PPP3CC: variants seen among roughly 807,000 people sequenced by gnomAD.
PPP3CC encodes serine/threonine-protein phosphatase 2B catalytic subunit gamma isoform.
A neutral mutation model predicts 60.3 loss-of-function variants in PPP3CC; 35 were observed. The observed-to-expected ratio is 0.58, with a 90% CI of 0.44 to 0.77. The LOEUF (loss-of-function observed/expected upper bound fraction) is 0.77. Among genes scored for constraint, PPP3CC ranks in the 30% least tolerant of loss-of-function variants. The probability of loss-of-function intolerance (pLI) is 0.00; values close to 1 mark genes in which losing one functional copy is unlikely to be tolerated. For missense variants in PPP3CC, 570 were observed against 628.9 expected, an observed-to-expected ratio of 0.91 and a Z score of 1.00; for synonymous variants, 206 against 224.3, an observed-to-expected ratio of 0.92 and a Z score of 0.73.
At chr8:22,443,842 T>G (rs1006370924) in intron 1 of PPP3CC, among the ~76,000 whole-genome samples, 4 of 152,196 alleles carry the variant, frequency 2.6e-5, no homozygotes, top group African/African-American at 9.7e-5. Context: ...GTGTCACGTG[T>G]GCATAGCTAA....
intron 4 of PPP3CC, among the ~76,000 whole-genome samples, chr8:22,498,480 C>G (rs1183853785): frequency 6.6e-6 from 1 of 152,070 alleles, no homozygotes; most frequent in South Asian, 2.1e-4. Context: ...CATAATCATG[C>G]CACTTAGAGG....
intron 3 of PPP3CC, among the ~76,000 whole-genome samples, chr8:22,489,273 G>C (rs1251029083): frequency 6.6e-6 from 1 of 152,046 alleles, no homozygotes; most frequent in Non-Finnish European, 1.5e-5. Context: ...GAAAGTCTCA[G>C]TTGAATTGAT....
At chr8:22,471,963 CA>C (rs1837735703) in intron 1 of PPP3CC, among the ~76,000 whole-genome samples, 1 of 151,806 alleles carries the variant, frequency 6.6e-6, no homozygotes, top group Non-Finnish European at 1.5e-5. Context: ...CCCATCTCTA[CA>C]AAAAATACAA....
chr8:22,486,793 C>T (rs1349100040), intron 3 of PPP3CC, among the ~76,000 whole-genome samples: 1 of 151,004 alleles, frequency 6.6e-6, no homozygotes, highest in East Asian at 1.9e-4. Context: ...ACAGTGGCAC[C>T]ATCTCGGCTC....
intron 1 of PPP3CC, among the ~76,000 whole-genome samples, chr8:22,450,793 CTTTAT>C (rs1207770664): frequency 6.7e-6 from 1 of 148,724 alleles, no homozygotes; most frequent in Non-Finnish European, 1.5e-5. Flanking sequence ...CCCCAACCTA[CTTTAT>C]TTTTATTTAT....
chr8:22,475,792 CT>C (rs34368541), intron 3 of PPP3CC, 168 bp downstream of exon 3: 2 of 678,592 alleles, frequency 2.9e-6, no homozygotes, highest in South Asian at 2.9e-5. Context: ...ACAGTTATTC[CT>C]TTTTTAAAAC....
intron 8 of PPP3CC, 103 bp from the exon 9 acceptor site, chr8:22,527,289 A>C (rs1839583206): frequency 7.6e-7 from 1 of 1,321,962 alleles, no homozygotes; most frequent in South Asian, 1.6e-5. Flanking sequence ...TTACAAATGG[A>C]AAGTTCTCGA....
At chr8:22,475,803 C>A in intron 3 of PPP3CC, 179 bp downstream of exon 3, 1 of 624,322 alleles carries the variant, frequency 1.6e-6, no homozygotes, top group South Asian at 2.9e-5. Context: ...TTTTTTAAAA[C>A]CAGTCGAAAA....
At chr8:22,519,742 C>T (rs1839354075) in intron 6 of PPP3CC, among the ~76,000 whole-genome samples, 1 of 152,210 alleles carries the variant, frequency 6.6e-6, no homozygotes, top group Admixed American at 6.5e-5. Context: ...GCAGCCTCTG[C>T]CTCCCGGGTT....
chr8:22,485,276 A>G (rs1838191605), intron 3 of PPP3CC, among the ~76,000 whole-genome samples: 1 of 152,188 alleles, frequency 6.6e-6, no homozygotes, highest in Non-Finnish European at 1.5e-5. Flanking sequence ...TAAAGTACCC[A>G]CTTACCAAGA....
intron 12 of PPP3CC, among the ~76,000 whole-genome samples, chr8:22,533,229 T>G (rs973062500): frequency 1.9e-4 from 29 of 152,034 alleles, no homozygotes; most frequent in African/African-American, 7.0e-4. Context: ...AGCAAAACAG[T>G]AAAACAAGAA....
chr8:22,450,799 T>TTTTATTTATTTATTTA (rs199665510), intron 1 of PPP3CC, among the ~76,000 whole-genome samples: 2 of 133,270 alleles, frequency 1.5e-5, no homozygotes, highest in African/African-American at 2.8e-5. Context: ...CCTACTTTAT[T>TTTTATTTATTTATTTA]TTTATTTATT....
At chr8:22,519,542 C>G (rs1183663020) in intron 6 of PPP3CC, among the ~76,000 whole-genome samples, 1 of 152,122 alleles carries the variant, frequency 6.6e-6, no homozygotes, top group East Asian at 1.9e-4. Context: ...GGGTTTGCAT[C>G]AAACATTTTA....
rs200003005 is a variant in PPP3CC at position 22,500,180 on chromosome 8, C to T, written c.484+2068C>T. 6.2e-4 allele frequency among the ~76,000 whole-genome samples: 95 copies of T among 152,038 alleles called. No homozygotes were observed. The East Asian group carries it at 9.3e-3, about 15-fold the overall frequency. On this transcript the variant is annotated intron_variant, in intron 4 of 13. Coordinates refer to ENST00000240139, the MANE Select transcript of PPP3CC (RefSeq NM_005605.5). ...CAGAAAATATGTATATTGGGTTATA[C>T]GCCAAAAAAATTTTTTATTTTTGTG... is the stretch of plus-strand genomic sequence containing the variant.
intron 4 of PPP3CC, among the ~76,000 whole-genome samples, chr8:22,503,738 C>T (rs1436810606): frequency 1.3e-5 from 2 of 152,158 alleles, no homozygotes; most frequent in African/African-American, 2.4e-5. Context: ...TTGCTTTTCA[C>T]ATGATTTAAC....
chr8:22,487,750 A>G (rs1394195145), intron 3 of PPP3CC, among the ~76,000 whole-genome samples: 3 of 152,240 alleles, frequency 2.0e-5, no homozygotes, highest in East Asian at 1.9e-4. Flanking sequence ...CAGCAAAGAT[A>G]TACTGTATTA....
intron 3 of PPP3CC, among the ~76,000 whole-genome samples, chr8:22,478,732 A>G (rs910472024): frequency 6.6e-6 from 1 of 152,198 alleles, no homozygotes; most frequent in African/African-American, 2.4e-5. Context: ...TTCCAGTCTA[A>G]TAGAAAAGAT....
intron 3 of PPP3CC, among the ~76,000 whole-genome samples, chr8:22,476,931 CAAA>C (rs200213778): frequency 7.6e-5 from 5 of 65,418 alleles, no homozygotes; most frequent in Admixed American, 1.5e-4. Context: ...GACTCTGTCT[CAAA>C]AAAAAAAAAA....
At chr8:22,533,347 T>C (rs1426576323) in intron 12 of PPP3CC, among the ~76,000 whole-genome samples, 1 of 152,178 alleles carries the variant, frequency 6.6e-6, no homozygotes, top group African/African-American at 2.4e-5. Context: ...GAACTTCTCT[T>C]CTTAAAAATA....
Sources: gnomAD v4.1 joint callset for allele counts (sites outside exome capture counted in the v4.1 genomes callset) on GRCh38, gnomAD v4.1.1 for gene constraint, MANE v1.5 for transcripts, NCBI Gene and HGNC (gene_info 2026-07-23, HGNC 2026-07-21) for gene names.